The following CACNA2D1 variants were observed in gnomAD, a reference collection of about 807,000 sequenced individuals.
CACNA2D1 encodes the protein voltage-dependent calcium channel subunit alpha-2/delta-1.
CACNA2D1 carries 53 observed loss-of-function variants against 171.5 expected under a neutral mutation model. That is an observed-to-expected ratio of 0.31 (90% confidence interval 0.25 to 0.39). CACNA2D1 has a LOEUF of 0.39. Among genes scored for constraint, CACNA2D1 ranks in the 10% least tolerant of loss-of-function variants. The probability of loss-of-function intolerance (pLI) is 1.00; values close to 1 mark genes in which losing one functional copy is unlikely to be tolerated. For missense variants in CACNA2D1, 903 were observed against 1,299.8 expected (o/e 0.69, Z 4.69); for synonymous variants, 442 against 443.1 (o/e 1.00, Z 0.03).
chr7:82,332,566 G>GAAAGAAAGA (rs1182049378), intron 3 of CACNA2D1, among the ~76,000 whole-genome samples: 2 of 141,304 alleles, frequency 1.4e-5, no homozygotes, highest in East Asian at 2.0e-4. Context: ...AAGAAAGAAA[G>GAAAGAAAGA]AACGAACAGA....
chr7:82,152,246 ATTG>A (rs1793934820), intron 4 of CACNA2D1, among the ~76,000 whole-genome samples: 2 of 151,814 alleles, frequency 1.3e-5, no homozygotes, highest in South Asian at 4.2e-4. Flanking sequence ...TTGTCTAGAA[ATTG>A]TTTAGAGACT....
In CACNA2D1 at chr7:82,369,595, G is replaced by C. The variant is rs1239167271; in HGVS notation, c.96-19946C>G. Among the ~76,000 whole-genome samples, 9 of 151,964 alleles carry C rather than the reference G, an allele frequency of 5.9e-5. No individual in the cohort carries two copies. In the East Asian group the frequency reaches 1.7e-3, roughly 29 times the overall value. On this transcript the variant is annotated intron_variant, in intron 1 of 38. Transcript: ENST00000356860. ...CTAAAACAGGCCAAGAAAAAAGACAGAAAATAAGCTGATTTCACCTATGAC... is the reference window on the plus strand; with the variant it reads ...CTAAAACAGGCCAAGAAAAAAGACACAAAATAAGCTGATTTCACCTATGAC...
chr7:82,161,267 G>A (rs1306558090), intron 4 of CACNA2D1, among the ~76,000 whole-genome samples: 3 of 151,958 alleles, frequency 2.0e-5, no homozygotes, highest in Non-Finnish European at 4.4e-5. Context: ...ATGAGGGAAG[G>A]TCAAAGAGAC....
intron 6 of CACNA2D1, among the ~76,000 whole-genome samples, chr7:82,100,364 T>A (rs937675599): frequency 3.3e-5 from 5 of 152,156 alleles, no homozygotes; most frequent in Admixed American, 6.5e-5. Context: ...AAAAATCAAA[T>A]TTTTTATCTA....
intron 1 of CACNA2D1, among the ~76,000 whole-genome samples, chr7:82,386,996 G>A (rs1010305997): frequency 6.6e-6 from 1 of 151,904 alleles, no homozygotes. Flanking sequence ...AATGTATATA[G>A]TATAAAGTGG....
At chr7:82,382,592 C>T (rs1035291784) in intron 1 of CACNA2D1, among the ~76,000 whole-genome samples, 1 of 152,116 alleles carries the variant, frequency 6.6e-6, no homozygotes, top group African/African-American at 2.4e-5. Flanking sequence ...GGCGGGATGG[C>T]AGTCCTCCAG....
chr7:82,064,533 T>C (rs1240720754), intron 8 of CACNA2D1, among the ~76,000 whole-genome samples, 179 bp from the exon 9 acceptor site: 1 of 152,150 alleles, frequency 6.6e-6, no homozygotes, highest in African/African-American at 2.4e-5. Flanking sequence ...ATAAAAGCAA[T>C]ATCCAATATA....
At chr7:82,025,236 T>C (rs1801736158) in intron 12 of CACNA2D1, among the ~76,000 whole-genome samples, 1 of 151,718 alleles carries the variant, frequency 6.6e-6, no homozygotes, top group Non-Finnish European at 1.5e-5. Context: ...CTTTGGGTAC[T>C]ATGGAAATTT....
intron 4 of CACNA2D1, among the ~76,000 whole-genome samples, chr7:82,153,819 T>A (rs1404070075): frequency 6.6e-6 from 1 of 151,102 alleles, no homozygotes; most frequent in Non-Finnish European, 1.5e-5. Context: ...TTCTAAGATA[T>A]ACAATTCTAC....
At chr7:82,111,309 TATATAC>T (rs1470696800) in intron 6 of CACNA2D1, among the ~76,000 whole-genome samples, 2 of 96,438 alleles carry the variant, frequency 2.1e-5, no homozygotes, top group South Asian at 3.7e-4. Flanking sequence ...TATATATATA[TATATAC>T]GTGTATATAC....
intron 4 of CACNA2D1, among the ~76,000 whole-genome samples, chr7:82,166,643 T>G (rs1347097102): frequency 6.6e-6 from 1 of 152,072 alleles, no homozygotes; most frequent in Non-Finnish European, 1.5e-5. Context: ...TCTTTTTTGC[T>G]TCTCCCACCT....
intron 3 of CACNA2D1, among the ~76,000 whole-genome samples, chr7:82,287,952 T>TCCC (rs1192259475): frequency 6.6e-6 from 1 of 151,012 alleles, no homozygotes; most frequent in Non-Finnish European, 1.5e-5. Context: ...TGCCTCAGCC[T>TCCC]CCCGAGTAGC....
At chr7:82,003,405 T>C (rs1325758466) in intron 18 of CACNA2D1, among the ~76,000 whole-genome samples, 1 of 151,970 alleles carries the variant, frequency 6.6e-6, no homozygotes, top group Non-Finnish European at 1.5e-5. Flanking sequence ...TTCTCTGTAA[T>C]ATTATAAATT....
At chr7:82,349,035 GA>G (rs2129445805) in intron 2 of CACNA2D1, among the ~76,000 whole-genome samples, 1 of 152,170 alleles carries the variant, frequency 6.6e-6, no homozygotes, top group Admixed American at 6.5e-5. Flanking sequence ...TAAGTCACAA[GA>G]AAAATCGTCT....
chr7:82,073,697 T>C (rs903207571), intron 7 of CACNA2D1, among the ~76,000 whole-genome samples: 1 of 152,094 alleles, frequency 6.6e-6, no homozygotes, highest in Non-Finnish European at 1.5e-5. Context: ...GCCTCCTGGG[T>C]TCAAGTGATT....
intron 5 of CACNA2D1, among the ~76,000 whole-genome samples, chr7:82,118,442 A>C (rs1214536028): frequency 6.6e-6 from 1 of 152,190 alleles, no homozygotes; most frequent in Non-Finnish European, 1.5e-5. Context: ...TGTTTTGGGT[A>C]GAAACAGGTA....
intron 1 of CACNA2D1, among the ~76,000 whole-genome samples, chr7:82,393,083 A>AAGGAAGGC (rs1208617777): frequency 0.038 from 3,076 of 81,700 alleles, 45 homozygotes; most frequent in Non-Finnish European, 0.049. Flanking sequence ...GGAAGGAAGG[A>AAGGAAGGC]AGGCAGGCAG....
chr7:82,334,685 A>G (rs539597575), intron 3 of CACNA2D1, among the ~76,000 whole-genome samples: 2 of 150,700 alleles, frequency 1.3e-5, no homozygotes, highest in Admixed American at 1.3e-4. Context: ...TTAAAAAGAA[A>G]AAAAATGGTA....
intron 3 of CACNA2D1, among the ~76,000 whole-genome samples, chr7:82,248,750 G>A (rs1805241899): frequency 6.6e-6 from 1 of 151,750 alleles, no homozygotes; most frequent in Admixed American, 6.6e-5. Flanking sequence ...AGAATAGATG[G>A]TTCTTTGGAC....
Sources: gnomAD v4.1 joint callset for allele counts (sites outside exome capture counted in the v4.1 genomes callset) on GRCh38, gnomAD v4.1.1 for gene constraint, MANE v1.5 for transcripts, NCBI Gene and HGNC (gene_info 2026-07-23, HGNC 2026-07-21) for gene names.